The following SIL1 variants were observed in gnomAD, a reference collection of about 807,000 sequenced individuals.
SIL1 encodes nucleotide exchange factor SIL1.
In SIL1, 40 loss-of-function variants were observed where a neutral mutation model predicts 49.1. That is an observed-to-expected ratio of 0.81 (90% CI 0.63 to 1.06). SIL1 has a LOEUF of 1.06. Ranked by LOEUF, SIL1 falls within the 50% of genes least tolerant of loss-of-function variation. The pLI is 0.00. For missense variants in SIL1, 500 were observed against 572.6 expected (o/e 0.87, Z 1.29); for synonymous variants, 253 against 250.8 (o/e 1.01, Z -0.08).
intron 7 of SIL1, among the ~76,000 whole-genome samples, chr5:139,003,599 T>C (rs1359721946): frequency 6.6e-6 from 1 of 152,216 alleles, no homozygotes; most frequent in Non-Finnish European, 1.5e-5. Context: ...CTCCTCACAC[T>C]GTCAAGACAG....
intron 7 of SIL1, among the ~76,000 whole-genome samples, chr5:138,986,252 G>A (rs1332516184): frequency 6.6e-6 from 1 of 152,224 alleles, no homozygotes; most frequent in African/African-American, 2.4e-5. Context: ...CTCTGGAGTT[G>A]TACCTAGTTC....
At chr5:139,120,935 C>G in intron 3 of SIL1, 100 bp downstream of exon 3, 1 of 1,475,080 alleles carries the variant, frequency 6.8e-7, no homozygotes, top group South Asian at 1.2e-5. Context: ...CTCCCGCAGG[C>G]CAGAGAAGAG....
chr5:139,056,083 C>T (rs1350007312), intron 3 of SIL1, among the ~76,000 whole-genome samples: 3 of 151,634 alleles, frequency 2.0e-5, no homozygotes, highest in South Asian at 2.1e-4. Flanking sequence ...AGCCTCTGCC[C>T]GGCCGCCACC....
intron 1 of SIL1, among the ~76,000 whole-genome samples, chr5:139,166,818 G>A (rs1561887269): frequency 6.6e-6 from 1 of 150,732 alleles, no homozygotes; most frequent in Non-Finnish European, 1.5e-5. Flanking sequence ...CAATGTTTTT[G>A]TTTTTTTTGA....
intron 7 of SIL1, among the ~76,000 whole-genome samples, chr5:138,961,664 C>T (rs1767022207): frequency 6.6e-6 from 1 of 152,070 alleles, no homozygotes; most frequent in Non-Finnish European, 1.5e-5. Flanking sequence ...TTACAGGTCC[C>T]TTTTTCATCT....
At chr5:139,159,689 T>TTG (rs143217993) in intron 1 of SIL1, among the ~76,000 whole-genome samples, 1 of 152,064 alleles carries the variant, frequency 6.6e-6, no homozygotes, top group Non-Finnish European at 1.5e-5. Context: ...ACAGTTGTGC[T>TTG]TGTGTGTGTG....
chr5:139,191,917 A>C (rs906110384), intron 1 of SIL1, among the ~76,000 whole-genome samples: 1 of 152,006 alleles, frequency 6.6e-6, no homozygotes, highest in South Asian at 2.1e-4. Flanking sequence ...TCTACTAAAA[A>C]TACAAAAATT....
chr5:139,170,987 C>T (rs1189589124), intron 1 of SIL1, among the ~76,000 whole-genome samples: 382 of 144,882 alleles, frequency 2.6e-3, no homozygotes, highest in East Asian at 0.01. Flanking sequence ...CCGCCCCGTC[C>T]GGGAGGTGAG....
intron 1 of SIL1, among the ~76,000 whole-genome samples, chr5:139,166,147 G>A (rs939859464): frequency 4.6e-5 from 7 of 152,094 alleles, no homozygotes; most frequent in Non-Finnish European, 1.0e-4. Context: ...CTAACTCTTC[G>A]TCAACAGCAC....
At chr5:139,161,337 A>G (rs931726226) in intron 1 of SIL1, among the ~76,000 whole-genome samples, 3 of 152,238 alleles carry the variant, frequency 2.0e-5, no homozygotes, top group Admixed American at 1.3e-4. Flanking sequence ...AGGCTGTCCA[A>G]TATCCTTCAT....
rs1768668213 is a variant in SIL1 at position 139,026,899 on chromosome 5, G to C, written c.547C>G (p.Gln183Glu). The change falls in exon 6 of 10, where the codon CAG becomes GAG. Residue 183 changes from glutamine (Q) to glutamate (E), a missense_variant. Transcript: ENST00000394817. ...ELNVVIETDM[Q>E]IMVRLINKFN... ...TTGTTGATCAGCCGTACCATGATCT[G>C]CATGTCAGTCTCAATGACAACATTC... 4 of 1,614,064 alleles carry C rather than the reference G, an allele frequency of 2.5e-6. No individual in the cohort carries two copies. The highest frequency in any genetic ancestry group is 3.4e-6 in the Non-Finnish European group (4 of 1,180,036).
At chr5:139,128,197 T>G in intron 1 of SIL1, 1 of 368,230 alleles carries the variant, frequency 2.7e-6, no homozygotes, top group Non-Finnish European at 5.3e-6. Context: ...CTGATCTGCA[T>G]GTGAACAAAC....
intron 3 of SIL1, among the ~76,000 whole-genome samples, chr5:139,060,020 C>G (rs1218587544): frequency 6.6e-6 from 1 of 152,176 alleles, no homozygotes; most frequent in East Asian, 1.9e-4. Flanking sequence ...TTTACAGTAC[C>G]TGGTCAAAAT....
intron 7 of SIL1, among the ~76,000 whole-genome samples, chr5:139,000,448 A>C (rs186421042): frequency 2.4e-4 from 37 of 152,342 alleles, no homozygotes; most frequent in South Asian, 8.3e-4. Context: ...ATACAAACCA[A>C]TACAAATAAG....
intron 1 of SIL1, among the ~76,000 whole-genome samples, chr5:139,130,084 GC>G (rs1750831040): frequency 6.6e-6 from 1 of 152,070 alleles, no homozygotes; most frequent in Non-Finnish European, 1.5e-5. Context: ...AACAGCCTGA[GC>G]AACATGGCTA....
intron 3 of SIL1, among the ~76,000 whole-genome samples, chr5:139,086,648 C>G (rs775411041): frequency 6.6e-6 from 1 of 151,818 alleles, no homozygotes; most frequent in East Asian, 2.0e-4. Flanking sequence ...TAAGCCACCG[C>G]GCCTGGCCAT....
rs1770647899 is a variant in SIL1, at chr5:139,103,971, G to T, written c.244+17064C>A. On this transcript the variant is annotated intron_variant, in intron 3 of 9. Coordinates refer to ENST00000394817, the MANE Select transcript of SIL1 (RefSeq NM_022464.5). ...GAAATGGGAAGGAGAGCCCACAAAG[G>T]CCAAACTGGAAGAAAGAGGCTCAGC... is the stretch of plus-strand genomic sequence containing the variant. Among the ~76,000 whole-genome samples the T allele has an allele frequency of 2.0e-5, 3 of 152,194 alleles. No individual in the cohort carries two copies. The South Asian group carries it at 6.2e-4, about 31-fold the overall frequency.
chr5:139,090,437 C>G (rs186983681), intron 3 of SIL1, among the ~76,000 whole-genome samples: 1 of 152,198 alleles, frequency 6.6e-6, no homozygotes, highest in Admixed American at 6.5e-5. Context: ...AGAAATAAAA[C>G]TAGAATGACC....
intron 1 of SIL1, among the ~76,000 whole-genome samples, chr5:139,187,522 A>G (rs1156972529): frequency 1.3e-5 from 2 of 151,840 alleles, no homozygotes; most frequent in African/African-American, 4.8e-5. Context: ...CATCTTAAAA[A>G]AAAAAAAAAA....
Sources: gnomAD v4.1 joint callset for allele counts (sites outside exome capture counted in the v4.1 genomes callset) on GRCh38, gnomAD v4.1.1 for gene constraint, MANE v1.5 for transcripts, NCBI Gene and HGNC (gene_info 2026-07-23, HGNC 2026-07-21) for gene names.